KLHDC4: variants seen among roughly 807,000 people sequenced by gnomAD.
The protein encoded by KLHDC4 is kelch domain-containing protein 4.
A neutral mutation model predicts 62.4 loss-of-function variants in KLHDC4; 90 were observed. The observed-to-expected ratio is 1.44, with a 90% CI of 1.22 to 1.72. KLHDC4 has a LOEUF of 1.72. Ranked by LOEUF, KLHDC4 falls within the 40% of genes most tolerant of loss-of-function variation. KLHDC4 has a pLI of 0.00. For missense variants in KLHDC4, 1,025 were observed against 699.7 expected (o/e 1.47, Z -5.25); for synonymous variants, 386 against 284.4 (o/e 1.36, Z -3.59).
intron 5 of KLHDC4, among the ~76,000 whole-genome samples, chr16:87,735,959 T>G (rs746330581): frequency 6.6e-6 from 1 of 152,204 alleles, no homozygotes; most frequent in Non-Finnish European, 1.5e-5. Flanking sequence ...ACACTCTGCA[T>G]GCAAACGCTT....
At chr16:87,745,617 A>C (rs1376941603) in intron 5 of KLHDC4, among the ~76,000 whole-genome samples, 2 of 152,234 alleles carry the variant, frequency 1.3e-5, no homozygotes, top group Non-Finnish European at 2.9e-5. Flanking sequence ...GCTGGTACAC[A>C]ACAGACTGCA....
At chr16:87,701,857 A>T in exon 1 of KLHDC4, 1 of 456,328 alleles carries the variant, frequency 2.2e-6, no homozygotes, top group Non-Finnish European at 4.4e-6. Flanking sequence ...TGCCATCCAC[A>T]CCGAGGAAGC....
chr16:87,753,580 A>G (rs974678729), intron 4 of KLHDC4, among the ~76,000 whole-genome samples: 2 of 150,916 alleles, frequency 1.3e-5, no homozygotes, highest in African/African-American at 5.0e-5. Context: ...TGGGTGGATC[A>G]CTTGAGGTCA....
chr16:87,744,096 C>T (rs536852595), intron 5 of KLHDC4, among the ~76,000 whole-genome samples: 12 of 151,830 alleles, frequency 7.9e-5, no homozygotes, highest in East Asian at 5.8e-4. Context: ...CTGGCCAACA[C>T]GGTGAAACCC....
At position 87,756,445 on chromosome 16, in the gene KLHDC4, T is replaced by C. The variant is rs1438758928; in HGVS notation, c.224A>G (p.Lys75Arg). 6.2e-7 allele frequency: 1 copy of C among 1,613,944 alleles called. No individual in the cohort carries two copies. The highest frequency in any genetic ancestry group is 8.5e-7 in the Non-Finnish European group (1 of 1,179,940). ...ACCTCCAAAAAGGATTAACTCATCT[T>C]TCTCAGGATGAACCGAGAGGGAGGC... The part of the protein sequence containing the change: ...LNASLSVHPE[K>R]DELILFGGEY... Residue 75 changes from lysine (K) to arginine (R), a missense_variant, in exon 3 of 12, where the codon AAA becomes AGA. Lys to Arg is a conservative substitution (Grantham distance 26, BLOSUM62 2). Coordinates refer to ENST00000270583, the MANE Select transcript of KLHDC4 (RefSeq NM_017566.4).
chr16:87,752,571 G>C (rs2143210054), intron 4 of KLHDC4, among the ~76,000 whole-genome samples: 1 of 152,160 alleles, frequency 6.6e-6, no homozygotes, highest in Non-Finnish European at 1.5e-5. Flanking sequence ...TCCTGACCTT[G>C]TGATTCGCCC....
chr16:87,739,909 G>A (rs545741273), intron 5 of KLHDC4: 49 of 152,386 alleles, frequency 3.2e-4, no homozygotes, highest in African/African-American at 1.1e-3. Flanking sequence ...CATGGTGTTG[G>A]CTGCGCAATT....
chr16:87,753,662 G>C (rs529105680), intron 4 of KLHDC4, among the ~76,000 whole-genome samples: 1 of 152,096 alleles, frequency 6.6e-6, no homozygotes, highest in Non-Finnish European at 1.5e-5. Context: ...TTACCTAGGC[G>C]TGGTGGCACA....
At chr16:87,765,258 G>T (rs2046467211) in intron 1 of KLHDC4, 3 of 456,064 alleles carry the variant, frequency 6.6e-6, no homozygotes, top group Non-Finnish European at 8.8e-6. Context: ...CAGCTGCTAC[G>T]GGATACCCCG....
chr16:87,764,845 AAAAAAG>A (rs1238536956), intron 1 of KLHDC4, among the ~76,000 whole-genome samples: 3 of 151,290 alleles, frequency 2.0e-5, no homozygotes, highest in African/African-American at 7.3e-5. Context: ...AAAAAAAAAA[AAAAAAG>A]AAAGAGCCTA....
At chr16:87,758,728 C>T (rs938640259) in intron 2 of KLHDC4, among the ~76,000 whole-genome samples, 1 of 152,174 alleles carries the variant, frequency 6.6e-6, no homozygotes, top group East Asian at 1.9e-4. Flanking sequence ...ATACGTGTCA[C>T]GCTGCATTCG....
At chr16:87,751,972 A>T (rs540375304) in intron 4 of KLHDC4, among the ~76,000 whole-genome samples, 1 of 150,416 alleles carries the variant, frequency 6.6e-6, no homozygotes, top group Non-Finnish European at 1.5e-5. Flanking sequence ...CTACTCAGGA[A>T]GCTGAGGCAG....
At chr16:87,711,808 C>G (rs960894204) in intron 8 of KLHDC4, among the ~76,000 whole-genome samples, 4 of 150,254 alleles carry the variant, frequency 2.7e-5, no homozygotes, top group African/African-American at 4.9e-5. Context: ...CCGCCCGGCA[C>G]GGGGACCCTT....
chr16:87,748,889 C>G, intron 4 of KLHDC4, 80 bp from the exon 5 acceptor site: 17 of 1,518,284 alleles, frequency 1.1e-5, no homozygotes, highest in East Asian at 2.3e-5. Flanking sequence ...TAGTGGTGAG[C>G]GCTTCAGTAC....
At chr16:87,726,681 C>T (rs552989966) in intron 7 of KLHDC4, 84 bp downstream of exon 7, 1 of 587,688 alleles carries the variant, frequency 1.7e-6, no homozygotes, top group Admixed American at 1.0e-4. Context: ...GTCTCCCCAC[C>T]CCGCGCCTCG....
At chr16:87,723,658 C>T (rs190626258) in intron 7 of KLHDC4, among the ~76,000 whole-genome samples, 14 of 152,356 alleles carry the variant, frequency 9.2e-5, no homozygotes, top group South Asian at 2.1e-4. Context: ...AGAAAAAAAT[C>T]GGGTCATTCC....
upstream of KLHDC4, chr16:87,702,615 C>A (rs975058927): frequency 1.6e-5 from 4 of 243,912 alleles, no homozygotes; most frequent in South Asian, 1.1e-4. Flanking sequence ...TCCACAGAAA[C>A]CCTGTCCCCA....
intron 1 of KLHDC4, among the ~76,000 whole-genome samples, chr16:87,762,405 C>T (rs1399906211): frequency 6.6e-6 from 1 of 152,048 alleles, no homozygotes; most frequent in Non-Finnish European, 1.5e-5. Context: ...GTCTGCAGAG[C>T]AGTGTCTGAC....
At chr16:87,720,284 C>A (rs999830727) in intron 7 of KLHDC4, among the ~76,000 whole-genome samples, 2 of 152,190 alleles carry the variant, frequency 1.3e-5, no homozygotes, top group Non-Finnish European at 2.9e-5. Context: ...AACGGCAGCA[C>A]TGATGTTCAC....
Sources: gnomAD v4.1 joint callset for allele counts (sites outside exome capture counted in the v4.1 genomes callset) on GRCh38, gnomAD v4.1.1 for gene constraint, MANE v1.5 for transcripts, NCBI Gene and HGNC (gene_info 2026-07-23, HGNC 2026-07-21) for gene names.